The following ERBB4 variants were observed in gnomAD, a reference collection of about 807,000 sequenced individuals.
The protein encoded by ERBB4 is erb-b2 receptor tyrosine kinase 4.
Under a neutral mutation model 158.0 loss-of-function variants are expected in ERBB4, and 42 were observed. The ratio of observed to expected loss-of-function variants is 0.27; its 90% CI spans 0.21 to 0.34. ERBB4 has a LOEUF of 0.34. Among genes scored for constraint, ERBB4 ranks in the 10% least tolerant of loss-of-function variants. ERBB4 has a pLI of 1.00. For missense variants in ERBB4, 1,333 were observed against 1,624.1 expected (o/e 0.82, Z 3.08); for synonymous variants, 583 against 558.7 (o/e 1.04, Z -0.61).
At chr2:211,804,807 A>C (rs550402613) in intron 3 of ERBB4, among the ~76,000 whole-genome samples, 2 of 152,226 alleles carry the variant, frequency 1.3e-5, no homozygotes, top group Non-Finnish European at 2.9e-5. Context: ...TCCTTCTTTA[A>C]CTGTCCATTT....
intron 25 of ERBB4, among the ~76,000 whole-genome samples, chr2:211,401,159 G>A (rs2063032502): frequency 6.6e-6 from 1 of 151,922 alleles, no homozygotes; most frequent in Non-Finnish European, 1.5e-5. Flanking sequence ...AACTCTCAGA[G>A]CCCTCACCAC....
At chr2:211,864,047 C>A (rs1176516807) in intron 3 of ERBB4, among the ~76,000 whole-genome samples, 1 of 152,140 alleles carries the variant, frequency 6.6e-6, no homozygotes. Flanking sequence ...GGGCCAAGAC[C>A]ACTAGGCCTG....
intron 1 of ERBB4, among the ~76,000 whole-genome samples, chr2:212,291,267 G>A (rs2106180564): frequency 6.6e-6 from 1 of 152,162 alleles, no homozygotes; most frequent in East Asian, 1.9e-4. Flanking sequence ...ATAGCCCATG[G>A]CAACAATACT....
At chr2:211,752,137 T>C (rs192289295) in intron 4 of ERBB4, among the ~76,000 whole-genome samples, 1 of 152,118 alleles carries the variant, frequency 6.6e-6, no homozygotes, top group Non-Finnish European at 1.5e-5. Flanking sequence ...CTGAACAATA[T>C]AACTTTAATC....
chr2:211,657,811 C>A lies in ERBB4; in HGVS notation c.1889G>T (p.Ser630Ile), dbSNP rs1574937202. ...CCATGGGTAGTAAATGCAGTCATGA[C>A]TAGTGGGACCGTTACACCTGCAGGC... ...NCTQGCNGPTSHDCIYYPWTG... is the reference protein window; with the variant it reads ...NCTQGCNGPTIHDCIYYPWTG... The change falls in exon 16 of 28, where the codon AGT becomes ATT. Residue 630 changes from serine to isoleucine, a missense_variant. Around this residue, in one of 5 missense-constraint regions of ERBB4, gnomAD observed 245 missense variants for 247.5 expected, o/e 0.99. Transcript: ENST00000342788. 4 of 1,613,942 alleles carry A rather than the reference C, an allele frequency of 2.5e-6. No individual in the cohort carries two copies. Among genetic ancestry groups the A allele is most frequent in the Non-Finnish European group, 3.4e-6 (4 of 1,179,880 alleles).
At chr2:212,244,457 T>G (rs1302229911) in intron 1 of ERBB4, among the ~76,000 whole-genome samples, 1 of 152,168 alleles carries the variant, frequency 6.6e-6, no homozygotes, top group Non-Finnish European at 1.5e-5. Flanking sequence ...CAGAATTAAC[T>G]AAAAATGTTA....
chr2:211,408,378 C>CACCTCTTTGTGTCCTTT (rs1440741902), intron 25 of ERBB4, among the ~76,000 whole-genome samples: 1 of 152,174 alleles, frequency 6.6e-6, no homozygotes. Context: ...TTGTCCCTCC[C>CACCTCTTTGTGTCCTTT]ACCTCTTTGT....
At chr2:212,023,867 A>G (rs1025645673) in intron 2 of ERBB4, among the ~76,000 whole-genome samples, 1 of 151,938 alleles carries the variant, frequency 6.6e-6, no homozygotes, top group Non-Finnish European at 1.5e-5. Flanking sequence ...TGTGTCTGTG[A>G]TGATTTTTAG....
chr2:212,453,460 T>C (rs990804987), intron 1 of ERBB4, among the ~76,000 whole-genome samples: 1 of 152,180 alleles, frequency 6.6e-6, no homozygotes, highest in African/African-American at 2.4e-5. Flanking sequence ...AAATAACACA[T>C]GATCAACATT....
In ERBB4 at chr2:211,728,340, T is replaced by TTA. The variant is rs529232011; in HGVS notation, c.623-3148_623-3147dup. On this transcript the variant is annotated intron_variant, in intron 5 of 27. Coordinates refer to ENST00000342788, the MANE Select transcript of ERBB4 (RefSeq NM_005235.3). Reference sequence around the variant, plus strand: ...GTTTTATTTATATTTGATACACACATTATATATATATATATGATATGTACC... The same window carrying TTA: ...GTTTTATTTATATTTGATACACACATTATATATATATATATATGATATGTACC... Among the ~76,000 whole-genome samples, 1,135 of 150,210 alleles carry TTA rather than the reference T, an allele frequency of 7.6e-3. 34 individuals carry two copies. Among genetic ancestry groups the TTA allele is most frequent in the Admixed American group, 0.045 (671 of 14,992 alleles).
At chr2:212,275,222 G>A (rs961883642) in intron 1 of ERBB4, among the ~76,000 whole-genome samples, 20 of 151,944 alleles carry the variant, frequency 1.3e-4, no homozygotes, top group Non-Finnish European at 2.4e-4. Context: ...GAACAGTGCC[G>A]CAATAAACAT....
At chr2:211,808,343 A>C (rs1575175859) in intron 3 of ERBB4, among the ~76,000 whole-genome samples, 2 of 152,230 alleles carry the variant, frequency 1.3e-5, no homozygotes, top group East Asian at 3.9e-4. Flanking sequence ...CTTTCTACAT[A>C]TGGCTAGCCA....
intron 1 of ERBB4, among the ~76,000 whole-genome samples, chr2:212,143,575 G>T (rs1422181567): frequency 6.6e-6 from 1 of 151,994 alleles, no homozygotes; most frequent in Non-Finnish European, 1.5e-5. Context: ...CCTTGGTATG[G>T]CTGTGACTCA....
In ERBB4 at chr2:211,788,001, A is replaced by G. The variant is rs769070966; in HGVS notation, c.556+24T>C. ...CACATAGGGTAGAACATTTTGAGAA[A>G]TTAAAAAGAATAATTCTACTTACAT... On this transcript the variant is annotated intron_variant, in intron 4 of 27. Coordinates refer to ENST00000342788, the MANE Select transcript of ERBB4 (RefSeq NM_005235.3). The G allele has an allele frequency of 1.8e-5, 29 of 1,610,884 alleles. No homozygotes were observed. The African/African-American group carries it at 2.1e-4, about 12-fold the overall frequency.
intron 19 of ERBB4, among the ~76,000 whole-genome samples, chr2:211,566,399 G>A (rs144653933): frequency 9.2e-5 from 14 of 152,254 alleles, no homozygotes; most frequent in South Asian, 2.1e-4. Context: ...AAATATCTGC[G>A]GAGACTGCTT....
At chr2:212,037,155 GTTT>G (rs988940915) in intron 2 of ERBB4, among the ~76,000 whole-genome samples, 1 of 151,894 alleles carries the variant, frequency 6.6e-6, no homozygotes, top group African/African-American at 2.4e-5. Context: ...TGTTTGTTTT[GTTT>G]TTTTGTTTTT....
chr2:211,993,490 T>C (rs2082127527), intron 2 of ERBB4, among the ~76,000 whole-genome samples: 1 of 152,066 alleles, frequency 6.6e-6, no homozygotes, highest in Non-Finnish European at 1.5e-5. Context: ...GGCAATCCAA[T>C]AATCTGATTT....
At chr2:211,898,270 A>G (rs914444308) in intron 3 of ERBB4, among the ~76,000 whole-genome samples, 2 of 152,158 alleles carry the variant, frequency 1.3e-5, no homozygotes, top group African/African-American at 4.8e-5. Flanking sequence ...GTTTTTATCT[A>G]AGATAGTTTA....
At position 211,383,381 on chromosome 2, in the gene ERBB4, C is replaced by G. The variant is rs977066269; in HGVS notation, c.*234G>C. 3 of 534,328 alleles carry G rather than the reference C, an allele frequency of 5.6e-6. No individual in the cohort carries two copies. In the Admixed American group the frequency reaches 9.6e-5, roughly 17 times the overall value. 33.1% of individuals were successfully genotyped at this position (534,328 alleles called of 1,614,324 possible). A position where few individuals can be genotyped will look rare whatever the true frequency, so the allele number is the denominator to read the frequency against. On this transcript the variant is annotated 3_prime_UTR_variant, in exon 28 of 28. Transcript: ENST00000342788. ...TCTCTAGCTGTTTCATTCTCCTGAC[C>G]AACCCATGCAGAGAAATGAAGAAAC... is the stretch of plus-strand genomic sequence containing the variant.
Sources: gnomAD v4.1 joint callset for allele counts (sites outside exome capture counted in the v4.1 genomes callset) on GRCh38, gnomAD v4.1.1 for gene constraint, gnomAD v4.1.1 regional missense constraint, MANE v1.5 for transcripts, NCBI Gene and HGNC (gene_info 2026-07-23, HGNC 2026-07-21) for gene names.